The following NAA25 variants were observed in gnomAD, a reference collection of about 807,000 sequenced individuals.
The protein encoded by NAA25 is N-alpha-acetyltransferase 25, NatB auxiliary subunit, also known as N-terminal acetyltransferase B complex subunit NAA25.
In NAA25, 30 loss-of-function variants were observed where a neutral mutation model predicts 132.5. That is an observed-to-expected ratio of 0.23 (90% CI 0.17 to 0.31). The LOEUF (loss-of-function observed/expected upper bound fraction) is 0.31. NAA25 is among the 10% of genes least tolerant of loss of function. The pLI, the probability that NAA25 is intolerant of heterozygous loss-of-function variation, is 1.00. For synonymous variants in NAA25, 359 were observed against 401.9 expected (o/e 0.89, Z 1.28); for missense variants, 771 against 1,150.4 (o/e 0.67, Z 4.77).
At chr12:112,107,467 T>C (rs1236713210) in intron 1 of NAA25, among the ~76,000 whole-genome samples, 1 of 151,588 alleles carries the variant, frequency 6.6e-6, no homozygotes, top group Non-Finnish European at 1.5e-5. Context: ...GAAGATTATA[T>C]TAGATAACCC....
rs2272309 is a variant in NAA25 at position 112,043,280 on chromosome 12, G to T, written c.2251-69C>A. 50,166 of 1,469,656 alleles carry T rather than the reference G, an allele frequency of 0.034. 10,238 individuals are homozygous for T. In the East Asian group the frequency reaches 0.64, roughly 19 times the overall value. 91.0% of individuals were successfully genotyped at this position (1,469,656 alleles called of 1,614,324 possible). A position where few individuals can be genotyped will look rare whatever the true frequency, so the allele number is the denominator to read the frequency against. On this transcript the variant is annotated intron_variant, in intron 18 of 23. Transcript: ENST00000261745. Reference sequence around the variant, plus strand: ...AATGCATACAAAATAAGAAAATCAGGTAACTAGTAGATAAAAACCTGTCTC... The same window carrying T: ...AATGCATACAAAATAAGAAAATCAGTTAACTAGTAGATAAAAACCTGTCTC...
At chr12:112,044,719 T>A (rs1244319264) in intron 17 of NAA25, among the ~76,000 whole-genome samples, 1 of 151,502 alleles carries the variant, frequency 6.6e-6, no homozygotes, top group Non-Finnish European at 1.5e-5. Flanking sequence ...ATTTTCCTTA[T>A]AAGTGACACT....
At chr12:112,040,686 CTATT>C (rs1283940416) in intron 20 of NAA25, 108 bp from the exon 21 acceptor site, 2 of 646,152 alleles carry the variant, frequency 3.1e-6, no homozygotes, top group Non-Finnish European at 5.2e-6. Flanking sequence ...ATTTAGAAAG[CTATT>C]TGTTTTTCAT....
chr12:112,067,482 G>A (rs1333977047), intron 11 of NAA25, among the ~76,000 whole-genome samples: 1 of 152,176 alleles, frequency 6.6e-6, no homozygotes, highest in Non-Finnish European at 1.5e-5. Flanking sequence ...GCTGAGGCGG[G>A]TGGATCACTT....
chr12:112,076,726 G>C (rs927210336), intron 7 of NAA25, among the ~76,000 whole-genome samples: 12 of 151,222 alleles, frequency 7.9e-5, no homozygotes, highest in African/African-American at 2.9e-4. Context: ...GGCCTGACAG[G>C]TCACACCTGT....
In NAA25 at chr12:112,079,549, C is replaced by T. The variant is rs533165892; in HGVS notation, c.478-808G>A. Among the ~76,000 whole-genome samples, 7 of 151,738 alleles carry T rather than the reference C, an allele frequency of 4.6e-5. No homozygotes were observed. In the East Asian group the frequency reaches 1.4e-3, roughly 29 times the overall value. On this transcript the variant is annotated intron_variant, in intron 5 of 23. Transcript: ENST00000261745. The stretch of plus-strand genomic sequence containing the variant: ...GGTGCAGTAAGCTGAGGTCATGCCA[C>T]TGCACTCCAGCTTGGACAACAGAAA...
chr12:112,043,309 G>A lies in NAA25; in HGVS notation c.2251-98C>T, dbSNP rs1004867434. The A allele has an allele frequency of 1.8e-5, 23 of 1,306,682 alleles. 1 individual carries two copies. In the African/African-American group the frequency reaches 1.9e-4, roughly 11 times the overall value. The allele number at this position is 1,306,682 out of a possible 1,614,324, so 80.9% of individuals were successfully genotyped here. On this transcript the variant is annotated intron_variant, in intron 18 of 23. Coordinates refer to ENST00000261745, the MANE Select transcript of NAA25 (RefSeq NM_024953.4). ...CTAGTAGATAAAAACCTGTCTCAGC[G>A]GTTCAGCTAAAAGCCACTAATCAGC...
intron 22 of NAA25, among the ~76,000 whole-genome samples, chr12:112,038,597 G>C (rs775006983): frequency 4.6e-5 from 7 of 152,114 alleles, no homozygotes; most frequent in Non-Finnish European, 1.0e-4. Context: ...TAAGTTAGGG[G>C]AGAAAAACAA....
At chr12:112,044,788 T>A (rs924608663) in intron 17 of NAA25, among the ~76,000 whole-genome samples, 1 of 151,114 alleles carries the variant, frequency 6.6e-6, no homozygotes, top group Non-Finnish European at 1.5e-5. Flanking sequence ...ACACCTGTAA[T>A]CCCAGCACTT....
intron 4 of NAA25, among the ~76,000 whole-genome samples, chr12:112,082,534 C>T (rs542447173): frequency 5.9e-5 from 9 of 152,030 alleles, no homozygotes; most frequent in Admixed American, 2.6e-4. Context: ...GATCACACTA[C>T]TGCACTCCAG....
At chr12:112,087,834 C>A in intron 3 of NAA25, 33 bp from the exon 4 acceptor site, 1 of 1,377,286 alleles carries the variant, frequency 7.3e-7, no homozygotes, top group Non-Finnish European at 1.0e-6. Flanking sequence ...TTAAGTTATA[C>A]TTCAAGAACA....
At position 112,086,815 on chromosome 12, in the gene NAA25, C is replaced by T. The variant is rs535307219; in HGVS notation, c.402+868G>A. ...TCACCTGAGGTCGGGAGTTTGAGAC[C>T]AGCCTGACCAACATGGAGAAACCCT... On this transcript the variant is annotated intron_variant, in intron 4 of 23. Coordinates refer to ENST00000261745, the MANE Select transcript of NAA25 (RefSeq NM_024953.4). 1.1e-4 allele frequency among the ~76,000 whole-genome samples: 17 copies of T among 152,026 alleles called. No homozygotes were observed. In the South Asian group the frequency reaches 3.1e-3, roughly 28 times the overall value.
intron 15 of NAA25, among the ~76,000 whole-genome samples, chr12:112,050,343 T>C (rs2078445193): frequency 6.6e-6 from 1 of 152,196 alleles, no homozygotes; most frequent in African/African-American, 2.4e-5. Context: ...TATCAAAGTA[T>C]GTTGTCCGTA....
At chr12:112,074,884 ACCCCCAC>A (rs1326835412) in intron 8 of NAA25, 120 bp from the exon 9 acceptor site, 1 of 577,042 alleles carries the variant, frequency 1.7e-6, no homozygotes, top group Non-Finnish European at 3.1e-6. Context: ...AGGTTGGCTT[ACCCCCAC>A]CCACTCCATG....
chr12:112,053,348 A>G (rs1013485000), intron 15 of NAA25, among the ~76,000 whole-genome samples: 25 of 152,194 alleles, frequency 1.6e-4, no homozygotes, highest in African/African-American at 5.8e-4. Flanking sequence ...GCAACTTTCC[A>G]AGGATTCTAT....
intron 19 of NAA25, among the ~76,000 whole-genome samples, chr12:112,042,514 T>TA (rs1401523093): frequency 1.3e-5 from 2 of 151,958 alleles, no homozygotes; most frequent in African/African-American, 4.8e-5. Flanking sequence ...TTTTTATTTT[T>TA]TTTTTTTTTT....
At chr12:112,074,515 C>T (rs1441242582) in intron 9 of NAA25, among the ~76,000 whole-genome samples, 160 bp downstream of exon 9, 1 of 151,954 alleles carries the variant, frequency 6.6e-6, no homozygotes, top group African/African-American at 2.4e-5. Context: ...TTAGAATGAA[C>T]TTGTGTATTT....
intron 15 of NAA25, 62 bp from the exon 16 acceptor site, chr12:112,048,505 C>A (rs768186202): frequency 3.2e-5 from 46 of 1,440,816 alleles, no homozygotes; most frequent in Non-Finnish European, 4.0e-5. Context: ...GTAAGCAAAC[C>A]TTGCCAGCCA....
chr12:112,030,120 C>A (rs1053721132), intron 23 of NAA25, among the ~76,000 whole-genome samples: 1 of 142,180 alleles, frequency 7.0e-6, no homozygotes, highest in African/African-American at 2.6e-5. Context: ...AGCTGAGGCA[C>A]GAGAATTGCT....
Sources: gnomAD v4.1 joint callset for allele counts (sites outside exome capture counted in the v4.1 genomes callset) on GRCh38, gnomAD v4.1.1 for gene constraint, MANE v1.5 for transcripts, NCBI Gene and HGNC (gene_info 2026-07-23, HGNC 2026-07-21) for gene names.